Variants in TSEN2 observed in about 807,000 individuals in gnomAD.
The protein encoded by TSEN2 is tRNA splicing endonuclease subunit 2, also known as tRNA-splicing endonuclease subunit Sen2.
In TSEN2, 54 loss-of-function variants were observed where a neutral mutation model predicts 59.2. That is an observed-to-expected ratio of 0.91 (90% CI 0.73 to 1.14). TSEN2 has a LOEUF of 1.14. TSEN2 is among the 50% of genes most tolerant of loss of function. TSEN2 has a pLI of 0.00. For synonymous variants in TSEN2, 195 were observed against 198.2 expected, an observed-to-expected ratio of 0.98 and a Z score of 0.14; for missense variants, 636 against 576.2, an observed-to-expected ratio of 1.10 and a Z score of -1.06.
In TSEN2 at chr3:12,503,606, C is replaced by T. The variant is rs201214741; in HGVS notation, c.653C>T (p.Pro218Leu). 92 of 1,595,764 alleles carry T rather than the reference C, an allele frequency of 5.8e-5. 4 individuals carry two copies. The highest frequency in any genetic ancestry group is 2.6e-4 in the Admixed American group (15 of 58,708). The change falls in exon 5 of 12, where the codon CCC (proline) becomes CTC (leucine). Residue 218 changes from proline to leucine, a missense_variant. Transcript: ENST00000284995. ...KSVREDASPL[P>L]HVCCCKQDAL... Reference sequence around the variant, plus strand: ...GTGCGAGAGGATGCCTCACCTCTGCCCCATGTCTGTTGCTGCAAACAAGAT... The same window carrying T: ...GTGCGAGAGGATGCCTCACCTCTGCTCCATGTCTGTTGCTGCAAACAAGAT...
chr3:12,532,131 G>T (rs577331753), intron 11 of TSEN2, among the ~76,000 whole-genome samples: 1 of 152,064 alleles, frequency 6.6e-6, no homozygotes, highest in South Asian at 2.1e-4. Flanking sequence ...GAGCCTTAAC[G>T]TTGCCATTGG....
chr3:12,537,148 G>A (rs1019929876), downstream of TSEN2, among the ~76,000 whole-genome samples: 3 of 151,918 alleles, frequency 2.0e-5, no homozygotes, highest in South Asian at 6.3e-4. Context: ...GAAAATTAAG[G>A]GGTGAGAATC....
At chr3:12,504,960 C>T (rs2054656637) in intron 5 of TSEN2, among the ~76,000 whole-genome samples, 194 bp from the exon 6 acceptor site, 1 of 152,098 alleles carries the variant, frequency 6.6e-6, no homozygotes, top group Non-Finnish European at 1.5e-5. Context: ...ATGATCACAC[C>T]ACTGCACTCC....
chr3:12,528,864 CT>C (rs760585599), intron 8 of TSEN2, 23 bp from the exon 9 acceptor site: 33 of 1,612,838 alleles, frequency 2.0e-5, no homozygotes, highest in Admixed American at 5.0e-5. Context: ...GGTTATACTT[CT>C]TTTTTTTCTT....
In TSEN2 at chr3:12,503,650, G is replaced by A. The variant is rs1319100317; in HGVS notation, c.697G>A (p.Gly233Ser). 1 of 1,603,760 alleles carries A rather than the reference G, an allele frequency of 6.2e-7. No individual in the cohort carries two copies. ...CKQDALILQR[G>S]LHHEDGSQHI... is the part of the protein sequence containing the mutation. ...ACAAGATGCTCTCATCCTCCAGCGTGGCCTTCATCATGAAGACGGCAGCCA... is the reference window on the plus strand; with the variant it reads ...ACAAGATGCTCTCATCCTCCAGCGTAGCCTTCATCATGAAGACGGCAGCCA... The change falls in exon 5 of 12, where the codon GGC becomes AGC. Residue 233 changes from glycine to serine, a missense_variant. Transcript: ENST00000284995.
upstream of TSEN2, among the ~76,000 whole-genome samples, chr3:12,482,123 C>T (rs529643710): frequency 1.3e-5 from 2 of 152,106 alleles, no homozygotes; most frequent in African/African-American, 2.4e-5. Flanking sequence ...GTTGTAGAAG[C>T]GATTTTTTAT....
At chr3:12,509,750 T>C (rs1460489784) in intron 6 of TSEN2, among the ~76,000 whole-genome samples, 3 of 152,102 alleles carry the variant, frequency 2.0e-5, no homozygotes, top group Non-Finnish European at 4.4e-5. Flanking sequence ...GCACAGAAAA[T>C]GACTTGAGCT....
At chr3:12,534,676 G>A (rs1212428446), downstream of TSEN2, among the ~76,000 whole-genome samples, 2 of 152,008 alleles carry the variant, frequency 1.3e-5, no homozygotes, top group Admixed American at 1.3e-4. Flanking sequence ...GTGGTGGCAG[G>A]GCCTGTAGTC....
At chr3:12,509,725 T>G (rs2055231634) in intron 6 of TSEN2, among the ~76,000 whole-genome samples, 2 of 152,104 alleles carry the variant, frequency 1.3e-5, no homozygotes, top group South Asian at 4.1e-4. Context: ...GACTAAGAAG[T>G]TCGGATTTGT....
rs570981757 is a variant in TSEN2, at chr3:12,491,953, G to A, written c.190-183G>A. Among the ~76,000 whole-genome samples, 115 of 152,306 alleles carry A rather than the reference G, an allele frequency of 7.6e-4. 1 individual carries two copies. Among genetic ancestry groups the A allele is most frequent in the African/African-American group, 2.6e-3 (108 of 41,560 alleles). ...ACTTAAAGTATATGGGAGGGCCTAC[G>A]TAGACTATATATAAATACTGCACCA... On this transcript the variant is annotated intron_variant, in intron 2 of 11. Coordinates refer to ENST00000284995, the MANE Select transcript of TSEN2 (RefSeq NM_025265.4).
chr3:12,511,528 A>G (rs1188125794), intron 6 of TSEN2, among the ~76,000 whole-genome samples: 2 of 151,890 alleles, frequency 1.3e-5, no homozygotes, highest in Non-Finnish European at 2.9e-5. Flanking sequence ...TCAATTAAAG[A>G]TATAAAGGGA....
chr3:12,510,292 T>C (rs2055299249), intron 6 of TSEN2, among the ~76,000 whole-genome samples: 1 of 152,238 alleles, frequency 6.6e-6, no homozygotes, highest in Non-Finnish European at 1.5e-5. Context: ...CCTCACTCAC[T>C]CTGTGTCACA....
intron 8 of TSEN2, among the ~76,000 whole-genome samples, chr3:12,522,090 G>T (rs1329752977): frequency 2.0e-5 from 3 of 152,144 alleles, no homozygotes; most frequent in Non-Finnish European, 4.4e-5. Context: ...TCATTATAGT[G>T]TATTGTTATA....
intron 1 of TSEN2, among the ~76,000 whole-genome samples, chr3:12,485,778 A>G (rs1259404333): frequency 6.6e-6 from 1 of 152,152 alleles, no homozygotes; most frequent in Non-Finnish European, 1.5e-5. Context: ...TTTGCATCCC[A>G]AACCTCTTGA....
chr3:12,506,924 G>A (rs374848861), intron 6 of TSEN2: 77 of 942,110 alleles, frequency 8.2e-5, no homozygotes, highest in Non-Finnish European at 9.2e-5. Flanking sequence ...GCCGGGCGCC[G>A]TGGCTCACAC....
At chr3:12,486,121 CCTT>C (rs2052587828) in intron 1 of TSEN2, among the ~76,000 whole-genome samples, 2 of 152,228 alleles carry the variant, frequency 1.3e-5, no homozygotes, top group Admixed American at 1.3e-4. Flanking sequence ...TGGAACCAGT[CCTT>C]CTGTGGATAC....
In TSEN2 at chr3:12,498,123, G is replaced by A. The variant is rs147929351; in HGVS notation, c.308+1569G>A. 7.0e-3 allele frequency among the ~76,000 whole-genome samples: 1,052 copies of A among 150,442 alleles called. 5 individuals are homozygous for A. The highest frequency in any genetic ancestry group is 0.024 in the African/African-American group (994 of 40,830). On this transcript the variant is annotated intron_variant, in intron 4 of 11. Coordinates refer to ENST00000284995, the MANE Select transcript of TSEN2 (RefSeq NM_025265.4). ...ATACATAATAGATGTATGTATTTTC[G>A]GGGTATGGGTACATGTGATATTTTG...
At chr3:12,508,736 A>G (rs299655) in intron 6 of TSEN2, among the ~76,000 whole-genome samples, 75,502 of 152,080 alleles carry the variant, frequency 0.5, 19,870 homozygotes, top group African/African-American at 0.64. Context: ...AAGAGCTATA[A>G]ACTGTATTTA....
chr3:12,529,765 T>C lies in TSEN2; in HGVS notation c.1140T>C (p.Tyr380=). The C allele has an allele frequency of 5.0e-6, 8 of 1,613,900 alleles. No homozygotes were observed. Among genetic ancestry groups the C allele is most frequent in the Non-Finnish European group, 6.8e-6 (8 of 1,179,796 alleles). The part of the protein sequence containing the change: ...RKGPPFYHAS[Y]SVIIELVDDH... ...ATGCTTTTTCTGTATTTTCCAGTTATTCTGTCATTATCGAGCTAGTTGATG... is the reference window on the plus strand; with the variant it reads ...ATGCTTTTTCTGTATTTTCCAGTTACTCTGTCATTATCGAGCTAGTTGATG... Residue 380 remains tyrosine, a synonymous_variant, in exon 10 of 12, where the codon TAT becomes TAC. Coordinates refer to ENST00000284995, the MANE Select transcript of TSEN2 (RefSeq NM_025265.4).
Sources: allele counts gnomAD v4.1 joint callset (sites outside exome capture counted in the v4.1 genomes callset), GRCh38; gene constraint gnomAD v4.1.1; transcripts MANE v1.5; gene names NCBI Gene and HGNC (gene_info 2026-07-23, HGNC 2026-07-21).